The following PPM1E variants were observed in gnomAD, a reference collection of about 807,000 sequenced individuals.
PPM1E encodes protein phosphatase 1E.
Under a neutral mutation model 65.9 loss-of-function variants are expected in PPM1E, and 20 were observed. The observed-to-expected ratio is 0.30, with a 90% CI of 0.21 to 0.44. The LOEUF (loss-of-function observed/expected upper bound fraction) is 0.44. Ranked by LOEUF, PPM1E falls within the 20% of genes least tolerant of loss-of-function variation. The pLI is 1.00. For missense variants in PPM1E, 713 were observed against 953.1 expected (o/e 0.75, Z 3.32); for synonymous variants, 352 against 374.9 (o/e 0.94, Z 0.70).
chr17:58,790,584 C>G (rs528376874), intron 1 of PPM1E, among the ~76,000 whole-genome samples: 6 of 152,134 alleles, frequency 3.9e-5, no homozygotes, highest in Admixed American at 6.6e-5. Flanking sequence ...GACCTTAAGG[C>G]TGTAAAGCTT....
chr17:58,872,829 T>A (rs543024032), intron 1 of PPM1E, among the ~76,000 whole-genome samples: 1 of 101,688 alleles, frequency 9.8e-6, no homozygotes, highest in Admixed American at 9.6e-5. Context: ...CCATACAAGG[T>A]CAGTCCATAT....
At chr17:58,817,299 C>T (rs1003436504) in intron 1 of PPM1E, among the ~76,000 whole-genome samples, 2 of 152,048 alleles carry the variant, frequency 1.3e-5, no homozygotes, top group Non-Finnish European at 2.9e-5. Context: ...GTGGAATTGC[C>T]GGATCATATG....
intron 1 of PPM1E, among the ~76,000 whole-genome samples, chr17:58,827,825 C>T (rs1266659136): frequency 2.0e-5 from 3 of 149,706 alleles, no homozygotes; most frequent in Non-Finnish European, 4.4e-5. Flanking sequence ...TGGCGTGAAC[C>T]CGGGAGGCGG....
chr17:58,874,379 A>G (rs532778791), intron 1 of PPM1E, among the ~76,000 whole-genome samples: 4 of 152,174 alleles, frequency 2.6e-5, no homozygotes, highest in Non-Finnish European at 5.9e-5. Flanking sequence ...CCATTTATAT[A>G]TCTTCTAATC....
At chr17:58,876,893 C>T (rs1282233076) in intron 1 of PPM1E, among the ~76,000 whole-genome samples, 1 of 152,138 alleles carries the variant, frequency 6.6e-6, no homozygotes, top group Non-Finnish European at 1.5e-5. Flanking sequence ...GGGCCATTCT[C>T]CTGCCTCAGC....
intron 1 of PPM1E, among the ~76,000 whole-genome samples, chr17:58,790,416 C>T (rs2050146168): frequency 6.6e-6 from 1 of 152,014 alleles, no homozygotes; most frequent in African/African-American, 2.4e-5. Flanking sequence ...AATACATGGC[C>T]AGTTATGATG....
At chr17:58,953,716 C>T (rs1396883794) in intron 1 of PPM1E, among the ~76,000 whole-genome samples, 3 of 151,302 alleles carry the variant, frequency 2.0e-5, no homozygotes, top group Admixed American at 6.6e-5. Flanking sequence ...CCATTTGACA[C>T]GTTGACTAGG....
Position 58,756,035 on chromosome 17 carries a change from G to T in PPM1E, c.38G>T (p.Arg13Leu). Reference protein sequence around the residue: ...GCIPEEKTYRRFLELFLGEFR... With the variant: ...GCIPEEKTYRLFLELFLGEFR... The stretch of plus-strand genomic sequence containing the variant: ...ATCCCTGAGGAGAAAACTTACCGGC[G>T]CTTCCTGGAGCTATTCCTGGGCGAG... The change falls in exon 1 of 7, where the codon CGC (arginine) becomes CTC (leucine). Residue 13 changes from arginine (R) to leucine (L), a missense_variant. By Grantham distance (102) the Arg-to-Leu change is moderately radical. Transcript: ENST00000308249. 1 of 1,614,012 alleles carries T rather than the reference G, an allele frequency of 6.2e-7. No individual in the cohort carries two copies. Among genetic ancestry groups the T allele is most frequent in the Non-Finnish European group, 8.5e-7 (1 of 1,179,928 alleles).
intron 4 of PPM1E, among the ~76,000 whole-genome samples, chr17:58,971,313 T>C (rs928882967): frequency 6.6e-6 from 1 of 152,146 alleles, no homozygotes; most frequent in Non-Finnish European, 1.5e-5. Context: ...AAGTTGTTTT[T>C]CTCATTGGAT....
intron 6 of PPM1E, among the ~76,000 whole-genome samples, chr17:58,974,157 C>T (rs2030847051): frequency 6.6e-6 from 1 of 151,964 alleles, no homozygotes; most frequent in African/African-American, 2.4e-5. Context: ...CATAGTGTTT[C>T]TCATTTCATT....
chr17:58,900,256 G>A (rs560028580), intron 1 of PPM1E, among the ~76,000 whole-genome samples: 7 of 152,274 alleles, frequency 4.6e-5, no homozygotes, highest in East Asian at 1.9e-4. Context: ...GTCAACCAGC[G>A]CTGTATGCTA....
At chr17:58,939,696 A>C (rs996880333) in intron 1 of PPM1E, among the ~76,000 whole-genome samples, 1 of 152,178 alleles carries the variant, frequency 6.6e-6, no homozygotes, top group African/African-American at 2.4e-5. Context: ...TAATTTTTAT[A>C]TGCCTTAGAC....
intron 1 of PPM1E, among the ~76,000 whole-genome samples, chr17:58,757,838 G>C (rs1476451124): frequency 6.6e-6 from 1 of 152,092 alleles, no homozygotes; most frequent in Non-Finnish European, 1.5e-5. Context: ...AATTAGCAAG[G>C]TAATGATGCT....
In PPM1E at chr17:58,980,635, A is replaced by G. The variant is rs145669199; in HGVS notation, c.1872A>G (p.Gly624=). 6.2e-7 allele frequency: 1 copy of G among 1,614,200 alleles called. No individual in the cohort carries two copies. Among genetic ancestry groups the G allele is most frequent in the African/African-American group, 1.3e-5 (1 of 75,064 alleles). ...QSSLPEWSGA[G]EFPTAFNLGS... is the part of the protein sequence containing the mutation. Reference sequence around the variant, plus strand: ...CATTGCCTGAATGGAGTGGTGCTGGAGAGTTTCCCACTGCTTTCAATTTGG... The same window carrying G: ...CATTGCCTGAATGGAGTGGTGCTGGGGAGTTTCCCACTGCTTTCAATTTGG... Residue 624 remains glycine (G), a synonymous_variant, in exon 7 of 7, where the codon GGA becomes GGG. Coordinates refer to ENST00000308249, the MANE Select transcript of PPM1E (RefSeq NM_014906.5). The surrounding 1 kb of genome is among the most constrained non-coding windows in gnomAD (Gnocchi z 4.7).
intron 1 of PPM1E, among the ~76,000 whole-genome samples, chr17:58,821,766 A>G (rs1444285710): frequency 6.6e-6 from 1 of 152,198 alleles, no homozygotes; most frequent in African/African-American, 2.4e-5. Flanking sequence ...GGGTTGGAGA[A>G]AGGGTTTTCC....
At chr17:58,876,807 G>A (rs1010633716) in intron 1 of PPM1E, among the ~76,000 whole-genome samples, 1 of 151,384 alleles carries the variant, frequency 6.6e-6, no homozygotes, top group Non-Finnish European at 1.5e-5. Flanking sequence ...TTTTTGAGAC[G>A]GAGTCTGGCC....
At chr17:58,785,691 CTT>C (rs1598569927) in intron 1 of PPM1E, 1 of 151,648 alleles carries the variant, frequency 6.6e-6, no homozygotes, top group East Asian at 1.9e-4. Flanking sequence ...CCCCCCCAGT[CTT>C]AGGGGGATGC....
intron 1 of PPM1E, among the ~76,000 whole-genome samples, chr17:58,875,598 T>G (rs1295398109): frequency 2.0e-5 from 3 of 152,208 alleles, no homozygotes; most frequent in Non-Finnish European, 4.4e-5. Context: ...ATAAGTTGCT[T>G]CTGTTTTATA....
intron 1 of PPM1E, among the ~76,000 whole-genome samples, chr17:58,840,472 T>C (rs1598604316): frequency 6.6e-6 from 1 of 152,202 alleles, no homozygotes; most frequent in South Asian, 2.1e-4. Flanking sequence ...ACCAATTCAG[T>C]AGTAACAAGT....
Sources: allele counts gnomAD v4.1 joint callset (sites outside exome capture counted in the v4.1 genomes callset), GRCh38; gene constraint gnomAD v4.1.1; non-coding constraint Gnocchi (gnomAD v3.1); transcripts MANE v1.5; gene names NCBI Gene and HGNC (gene_info 2026-07-23, HGNC 2026-07-21).